The following TMEM117 variants were observed in gnomAD, a reference collection of about 807,000 sequenced individuals.
TMEM117 encodes transmembrane protein 117.
In TMEM117, 27 loss-of-function variants were observed where a neutral mutation model predicts 52.4. That is an observed-to-expected ratio of 0.51 (90% confidence interval 0.38 to 0.71). TMEM117 has a LOEUF of 0.71. Ranked by LOEUF, TMEM117 falls within the 30% of genes least tolerant of loss-of-function variation. The probability of loss-of-function intolerance (pLI) is 0.00; values close to 1 mark genes in which losing one functional copy is unlikely to be tolerated. For synonymous variants in TMEM117, 215 were observed against 206.3 expected (o/e 1.04, Z -0.36); for missense variants, 556 against 630.5 (o/e 0.88, Z 1.26).
At chr12:44,096,202 T>A (rs549582810) in intron 3 of TMEM117, among the ~76,000 whole-genome samples, 3 of 152,140 alleles carry the variant, frequency 2.0e-5, no homozygotes, top group African/African-American at 7.2e-5. Flanking sequence ...CATTACTCAA[T>A]GAAATAAAAG....
intron 5 of TMEM117, among the ~76,000 whole-genome samples, chr12:44,215,415 G>T (rs1364199327): frequency 6.6e-6 from 1 of 152,128 alleles, no homozygotes; most frequent in African/African-American, 2.4e-5. Flanking sequence ...TATTTGAAAG[G>T]CGGAAAGGGA....
chr12:44,080,342 G>GA (rs1947461955), intron 3 of TMEM117, among the ~76,000 whole-genome samples: 1 of 152,060 alleles, frequency 6.6e-6, no homozygotes, highest in South Asian at 2.1e-4. Context: ...GCAAGTGGGG[G>GA]AAAAGAACCT....
the TMEM117 span, chr12:43,806,336 C>T: frequency 7.8e-7 from 1 of 1,284,372 alleles, no homozygotes; most frequent in South Asian, 2.5e-5. Context: ...TCCGCCGGCC[C>T]CGGCGCGTCA....
chr12:44,338,989 G>A (rs1180227597), intron 6 of TMEM117, among the ~76,000 whole-genome samples: 3 of 152,140 alleles, frequency 2.0e-5, no homozygotes, highest in East Asian at 1.9e-4. Flanking sequence ...ATGAAGCTAC[G>A]GAATCTTGCA....
intron 3 of TMEM117, among the ~76,000 whole-genome samples, chr12:44,127,008 G>A (rs747833980): frequency 2.4e-4 from 36 of 152,256 alleles, no homozygotes; most frequent in Non-Finnish European, 4.3e-4. Flanking sequence ...GAAATATTGC[G>A]AAATCCCACA....
chr12:44,093,787 G>A (rs1392721355), intron 3 of TMEM117, among the ~76,000 whole-genome samples: 1 of 126,624 alleles, frequency 7.9e-6, no homozygotes, highest in East Asian at 1.9e-4. Flanking sequence ...GATCTTTCTT[G>A]GAGGAAGGCA....
At chr12:43,889,234 C>T (rs1282911244) in intron 2 of TMEM117, among the ~76,000 whole-genome samples, 1 of 152,128 alleles carries the variant, frequency 6.6e-6, no homozygotes, top group African/African-American at 2.4e-5. Context: ...AGGCGTCTGC[C>T]ACCATGCCTG....
chr12:44,226,722 C>T (rs774581126), intron 5 of TMEM117, among the ~76,000 whole-genome samples: 37 of 152,048 alleles, frequency 2.4e-4, no homozygotes, highest in Non-Finnish European at 4.3e-4. Context: ...AGGATACAGA[C>T]ACACACAGAG....
At chr12:43,811,736 T>C in the TMEM117 span, among the ~76,000 whole-genome samples, 2 of 152,218 alleles carry the variant, frequency 1.3e-5, no homozygotes, top group Admixed American at 1.3e-4. Context: ...AAAGGACACA[T>C]ATAGTTTTAA....
At chr12:44,014,619 G>A (rs1318188955) in intron 3 of TMEM117, among the ~76,000 whole-genome samples, 10 of 152,034 alleles carry the variant, frequency 6.6e-5, no homozygotes, top group Non-Finnish European at 1.2e-4. Flanking sequence ...CAAAAGATAC[G>A]TTACACTACC....
intron 5 of TMEM117, among the ~76,000 whole-genome samples, chr12:44,235,104 A>T (rs1209534471): frequency 2.0e-5 from 3 of 151,516 alleles, no homozygotes; most frequent in Non-Finnish European, 4.4e-5. Flanking sequence ...AATTTTTCTT[A>T]GTATTTTGAG....
chr12:44,084,833 C>T (rs952855589), intron 3 of TMEM117, among the ~76,000 whole-genome samples: 11 of 152,278 alleles, frequency 7.2e-5, no homozygotes, highest in African/African-American at 2.4e-4. Context: ...CTACTGGTAC[C>T]ATCAGACCAG....
intron 5 of TMEM117, among the ~76,000 whole-genome samples, chr12:44,238,062 C>T (rs1332457285): frequency 1.3e-5 from 2 of 152,108 alleles, no homozygotes; most frequent in South Asian, 2.1e-4. Flanking sequence ...GTAATTCTTT[C>T]TTACATATCA....
intron 4 of TMEM117, among the ~76,000 whole-genome samples, chr12:44,157,537 A>G (rs1948842990): frequency 6.6e-6 from 1 of 152,154 alleles, no homozygotes; most frequent in Non-Finnish European, 1.5e-5. Flanking sequence ...AGGAACTGAT[A>G]CCAAGACTGT....
At chr12:44,301,893 G>A (rs1414697495) in intron 6 of TMEM117, among the ~76,000 whole-genome samples, 2 of 152,156 alleles carry the variant, frequency 1.3e-5, no homozygotes, top group African/African-American at 4.8e-5. Flanking sequence ...TGGTGATGAG[G>A]TCATCTGAAA....
At chr12:44,277,641 G>A (rs1456364113) in intron 5 of TMEM117, among the ~76,000 whole-genome samples, 2 of 151,818 alleles carry the variant, frequency 1.3e-5, no homozygotes, top group Non-Finnish European at 2.9e-5. Context: ...GTCTCGTAGG[G>A]CTGCTGTCAG....
At chr12:44,152,030 T>G (rs1271273576) in intron 4 of TMEM117, among the ~76,000 whole-genome samples, 2 of 118,450 alleles carry the variant, frequency 1.7e-5, no homozygotes, top group Non-Finnish European at 1.6e-5. Context: ...TTTAAATATG[T>G]AATATATATT....
chr12:43,999,142 A>G (rs1946076953), intron 3 of TMEM117, among the ~76,000 whole-genome samples: 1 of 152,230 alleles, frequency 6.6e-6, no homozygotes, highest in African/African-American at 2.4e-5. Context: ...GTGAACATAT[A>G]TCAATATTCC....
chr12:44,088,593 G>A (rs1947612417), intron 3 of TMEM117, among the ~76,000 whole-genome samples: 2 of 152,164 alleles, frequency 1.3e-5, no homozygotes, highest in African/African-American at 4.8e-5. Flanking sequence ...TAGATTATGA[G>A]TGATCTTGTG....
Sources: gnomAD v4.1 joint callset for allele counts (sites outside exome capture counted in the v4.1 genomes callset) on GRCh38, gnomAD v4.1.1 for gene constraint, MANE v1.5 for transcripts, NCBI Gene and HGNC (gene_info 2026-07-23, HGNC 2026-07-21) for gene names.